The following SLC5A9 variants were observed in gnomAD, a reference collection of about 807,000 sequenced individuals.
The protein encoded by SLC5A9 is solute carrier family 5 member 9, also known as sodium/glucose cotransporter 4.
In SLC5A9, 59 loss-of-function variants were observed where a neutral mutation model predicts 70.9. The ratio of observed to expected loss-of-function variants is 0.83; its 90% CI spans 0.68 to 1.03. The LOEUF (loss-of-function observed/expected upper bound fraction) is 1.03, where lower values mean the gene tolerates loss of function less well. SLC5A9 is among the 50% of genes least tolerant of loss of function. The pLI is 0.00. For synonymous variants in SLC5A9, 340 were observed against 346.5 expected (o/e 0.98, Z 0.21); for missense variants, 832 against 881.1 (o/e 0.94, Z 0.71).
intron 4 of SLC5A9, 37 bp from the exon 5 acceptor site, chr1:48,230,563 C>T (rs762408433): frequency 1.7e-5 from 26 of 1,498,552 alleles, no homozygotes; most frequent in Non-Finnish European, 2.1e-5. Context: ...CTGAGGGCCT[C>T]GGGTGGTCTG....
intron 4 of SLC5A9, 131 bp from the exon 5 acceptor site, chr1:48,230,469 C>A (rs1644232012): frequency 3.0e-6 from 2 of 660,528 alleles, no homozygotes; most frequent in African/African-American, 3.6e-5. Context: ...TAGCATAGCA[C>A]TTAAAGCTCA....
chr1:48,225,920 C>T (rs1644139697), intron 2 of SLC5A9, among the ~76,000 whole-genome samples: 1 of 152,154 alleles, frequency 6.6e-6, no homozygotes, highest in African/African-American at 2.4e-5. Context: ...ATCTTCACGC[C>T]TCTCCCCACC....
At chr1:48,242,638 G>A in intron 13 of SLC5A9, 22 bp downstream of exon 13, 2 of 1,593,526 alleles carry the variant, frequency 1.3e-6, no homozygotes, top group South Asian at 2.3e-5. Flanking sequence ...CAGGCCGGGG[G>A]ATACTCATCA....
At chr1:48,232,882 A>C (rs1644270639) in intron 8 of SLC5A9, among the ~76,000 whole-genome samples, 2 of 148,856 alleles carry the variant, frequency 1.3e-5, no homozygotes, top group South Asian at 4.3e-4. Flanking sequence ...AGAAAGAAAA[A>C]GAAAAAGAAA....
intron 2 of SLC5A9, 122 bp from the exon 3 acceptor site, chr1:48,228,728 T>C (rs1644200008): frequency 6.8e-7 from 1 of 1,460,724 alleles, no homozygotes; most frequent in Non-Finnish European, 9.2e-7. Context: ...TATTTATGAA[T>C]GCAGTGCCTG....
chr1:48,235,613 C>T, intron 9 of SLC5A9, 116 bp from the exon 10 acceptor site: 3 of 1,256,210 alleles, frequency 2.4e-6, no homozygotes, highest in Non-Finnish European at 3.3e-6. Context: ...AACCCCTTCC[C>T]TCTCTCATCC....
At chr1:48,237,621 C>T in intron 10 of SLC5A9, 58 bp from the exon 11 acceptor site, 1 of 1,570,626 alleles carries the variant, frequency 6.4e-7, no homozygotes, top group Non-Finnish European at 8.7e-7. Context: ...TCACCTTCAC[C>T]CCACACCACA....
chr1:48,223,786 T>C (rs1423517052), intron 1 of SLC5A9, among the ~76,000 whole-genome samples: 1 of 152,108 alleles, frequency 6.6e-6, no homozygotes, highest in Non-Finnish European at 1.5e-5. Flanking sequence ...TGAGGAAGAA[T>C]TGGGCTAACA....
intron 7 of SLC5A9, 93 bp downstream of exon 7, chr1:48,232,244 C>T (rs1644259875): frequency 1.3e-6 from 2 of 1,554,764 alleles, no homozygotes; most frequent in African/African-American, 1.4e-5. Context: ...AGGGTTGGAC[C>T]TCATTCTGGG....
chr1:48,237,084 A>T (rs1373180718), intron 10 of SLC5A9, among the ~76,000 whole-genome samples: 1 of 152,116 alleles, frequency 6.6e-6, no homozygotes, highest in Non-Finnish European at 1.5e-5. Context: ...CACATCCAAG[A>T]AAAGTTTTTC....
intron 12 of SLC5A9, among the ~76,000 whole-genome samples, chr1:48,241,768 C>T (rs991399742): frequency 1.3e-5 from 2 of 151,758 alleles, no homozygotes; most frequent in African/African-American, 4.8e-5. Context: ...CTTCTTTCAC[C>T]AGCACTAATA....
chr1:48,231,924 T>G, intron 6 of SLC5A9, 22 bp from the exon 7 acceptor site: 3 of 1,613,974 alleles, frequency 1.9e-6, no homozygotes, highest in Non-Finnish European at 1.7e-6. Context: ...TCAGGGCTGC[T>G]TCACTCACTG....
chr1:48,224,593 C>T, intron 1 of SLC5A9, 131 bp from the exon 2 acceptor site: 1 of 832,066 alleles, frequency 1.2e-6, no homozygotes. Context: ...AGGCAGCTCT[C>T]TTCTGCCTCA....
intron 4 of SLC5A9, among the ~76,000 whole-genome samples, chr1:48,230,141 C>G (rs1644226537): frequency 6.6e-6 from 1 of 152,208 alleles, no homozygotes; most frequent in South Asian, 2.1e-4. Context: ...TGACCCAGAC[C>G]CATGCCTATC....
chr1:48,227,305 A>G (rs1644170981), intron 2 of SLC5A9, among the ~76,000 whole-genome samples: 2 of 108,968 alleles, frequency 1.8e-5, no homozygotes, highest in African/African-American at 3.6e-5. Context: ...GTGTGTGTGT[A>G]CTGTGCCTGT....
chr1:48,235,373 A>G lies in SLC5A9; in HGVS notation c.1142-356A>G, dbSNP rs1289387755. Among the ~76,000 whole-genome samples the G allele has an allele frequency of 3.3e-5, 5 of 152,174 alleles. No individual in the cohort carries two copies. In the East Asian group the frequency reaches 9.7e-4, roughly 29 times the overall value. ...AGCAACCCACTAACCAAGTGTCTAC[A>G]AGCTGTGAAACCTAGACTGAGATGT... On this transcript the variant is annotated intron_variant, in intron 9 of 13. Coordinates refer to ENST00000438567, the MANE Select transcript of SLC5A9 (RefSeq NM_001011547.3).
chr1:48,224,857 A>G (rs1644122239), intron 2 of SLC5A9, 62 bp downstream of exon 2: 2 of 1,475,276 alleles, frequency 1.4e-6, no homozygotes, highest in African/African-American at 1.4e-5. Context: ...CCTCCCCACT[A>G]TCCAAGCACT....
chr1:48,225,277 A>G (rs2148561104), intron 2 of SLC5A9, among the ~76,000 whole-genome samples: 1 of 152,310 alleles, frequency 6.6e-6, no homozygotes, highest in East Asian at 1.9e-4. Flanking sequence ...AGGGAATCAC[A>G]GAGGTAAAAT....
chr1:48,240,480 A>T (rs1280730803), intron 12 of SLC5A9: 1 of 152,244 alleles, frequency 6.6e-6, no homozygotes, highest in East Asian at 1.9e-4. Context: ...AGTCCCTGAA[A>T]CACTGAGTGG....
Sources: gnomAD v4.1 joint callset for allele counts (sites outside exome capture counted in the v4.1 genomes callset) on GRCh38, gnomAD v4.1.1 for gene constraint, MANE v1.5 for transcripts, NCBI Gene and HGNC (gene_info 2026-07-23, HGNC 2026-07-21) for gene names.